CRTC1: variants seen among roughly 807,000 people sequenced by gnomAD.
CRTC1 encodes CREB-regulated transcription coactivator 1.
In CRTC1, 18 loss-of-function variants were observed where a neutral mutation model predicts 66.1. The ratio of observed to expected loss-of-function variants is 0.27; its 90% confidence interval spans 0.19 to 0.40. CRTC1 has a LOEUF of 0.40. CRTC1 is among the 10% of genes least tolerant of loss of function. The probability of loss-of-function intolerance (pLI) is 1.00; values close to 1 mark genes in which losing one functional copy is unlikely to be tolerated. For synonymous variants in CRTC1, 416 were observed against 398.8 expected (o/e 1.04, Z -0.51); for missense variants, 669 against 887.9 (o/e 0.75, Z 3.13).
chr19:18,685,607 A>G (rs544104773), intron 1 of CRTC1, among the ~76,000 whole-genome samples: 1 of 152,198 alleles, frequency 6.6e-6, no homozygotes, highest in Non-Finnish European at 1.5e-5. Context: ...CAGTGAGCCG[A>G]GATCATGTTA....
At chr19:18,765,127 C>G (rs1034894973) in intron 8 of CRTC1, among the ~76,000 whole-genome samples, 2 of 152,160 alleles carry the variant, frequency 1.3e-5, no homozygotes, top group Non-Finnish European at 2.9e-5. Context: ...ATCTGGGGGC[C>G]AATCTTATGC....
Position 18,768,290 on chromosome 19 carries a change from C to T in CRTC1, c.1012-195C>T, listed in dbSNP as rs2054780425. 6.6e-6 allele frequency among the ~76,000 whole-genome samples: 1 copy of T among 152,182 alleles called. No homozygotes were observed. The highest frequency in any genetic ancestry group is 2.4e-5 in the African/African-American group (1 of 41,442). On this transcript the variant is annotated intron_variant, in intron 9 of 13. Transcript: ENST00000321949. This position sits in a 1 kb window ranked among gnomAD's most constrained non-coding sequence, Gnocchi z 5.6. ...CAGGTCCTGCCCAGCTCCAGCTGAC[C>T]CCCTTGGGGCCCTGCGTGAGGCCCA...
intron 2 of CRTC1, chr19:18,744,226 G>T: frequency 6.8e-7 from 1 of 1,480,654 alleles, no homozygotes; most frequent in Non-Finnish European, 9.2e-7. Context: ...CCGTGTGCGG[G>T]CGCTGGGGAT....
chr19:18,771,414 C>CG lies in CRTC1; in HGVS notation c.1321-26dup. ...AGCCCGGGCTTGGGCAGCTGGGCTG[C>CG]GGCGTGCTGATCTGTCTGTCATCGC... On this transcript the variant is annotated intron_variant, in intron 10 of 13. Transcript: ENST00000321949. The surrounding 1 kb of genome is among the most constrained non-coding windows in gnomAD (Gnocchi z 4.6). 6.3e-7 allele frequency: 1 copy of CG among 1,584,140 alleles called. No individual in the cohort carries two copies. Among genetic ancestry groups the CG allele is most frequent in the Non-Finnish European group, 8.6e-7 (1 of 1,163,094 alleles).
intron 1 of CRTC1, among the ~76,000 whole-genome samples, chr19:18,729,680 G>A (rs1326245844): frequency 6.6e-6 from 1 of 152,140 alleles, no homozygotes; most frequent in East Asian, 1.9e-4. Flanking sequence ...GGTTGAGGCT[G>A]CAGTGAGCCA....
At chr19:18,689,824 T>G (rs1026236950) in intron 1 of CRTC1, among the ~76,000 whole-genome samples, 1 of 151,400 alleles carries the variant, frequency 6.6e-6, no homozygotes, top group Non-Finnish European at 1.5e-5. Context: ...TGGGTGGATG[T>G]ATATCTTCAT....
intron 1 of CRTC1, among the ~76,000 whole-genome samples, chr19:18,732,543 T>C (rs1319841438): frequency 6.6e-6 from 1 of 152,124 alleles, no homozygotes; most frequent in African/African-American, 2.4e-5. Context: ...CCTGGGCTGC[T>C]AAGACAGAGG....
intron 1 of CRTC1, among the ~76,000 whole-genome samples, chr19:18,686,922 C>T (rs142529527): frequency 2.0e-5 from 3 of 151,888 alleles, no homozygotes; most frequent in Non-Finnish European, 4.4e-5. Context: ...GGCTGGGATG[C>T]TGCCCAACCC....
intron 1 of CRTC1, among the ~76,000 whole-genome samples, chr19:18,717,295 G>T (rs1407449767): frequency 6.6e-6 from 1 of 152,044 alleles, no homozygotes; most frequent in East Asian, 1.9e-4. Context: ...CTCTCCCAGG[G>T]TCTTCAGGCT....
intron 1 of CRTC1, among the ~76,000 whole-genome samples, chr19:18,729,442 A>C (rs1425935826): frequency 6.6e-6 from 1 of 150,692 alleles, no homozygotes; most frequent in Non-Finnish European, 1.5e-5. Flanking sequence ...AAAAAAAGAA[A>C]AAAAAAAAGA....
rs2054220901 is a variant in CRTC1 at position 18,745,818 on chromosome 19, C to G, written c.244-5C>G. The G allele has an allele frequency of 1.9e-6, 3 of 1,613,732 alleles. No individual in the cohort carries two copies. The highest frequency in any genetic ancestry group is 1.7e-5 in the Admixed American group (1 of 59,996). ...TCTCTCTGTTTCCATCTCCTCCTCC[C>G]CCAGACCCCCTTCCAATCCTCGGGC... is the stretch of plus-strand genomic sequence containing the variant. On this transcript the variant is annotated splice_polypyrimidine_tract_variant and splice_region_variant and intron_variant, in intron 2 of 13. Transcript: ENST00000321949.
intron 1 of CRTC1, among the ~76,000 whole-genome samples, chr19:18,727,747 A>C (rs887660473): frequency 6.6e-6 from 1 of 151,852 alleles, no homozygotes; most frequent in African/African-American, 2.4e-5. Context: ...TTTGAGATGG[A>C]GTCTCACTAT....
intron 11 of CRTC1, among the ~76,000 whole-genome samples, chr19:18,773,068 G>C (rs552217248): frequency 6.6e-6 from 1 of 152,340 alleles, no homozygotes; most frequent in East Asian, 1.9e-4. Flanking sequence ...GGGTTAGTCT[G>C]CTGGGCAGCG....
chr19:18,688,209 G>A (rs1259956086), intron 1 of CRTC1, among the ~76,000 whole-genome samples: 1 of 152,106 alleles, frequency 6.6e-6, no homozygotes, highest in Non-Finnish European at 1.5e-5. Flanking sequence ...GAGAGAAGTG[G>A]CTCAGCCACG....
At chr19:18,745,778 T>C in intron 2 of CRTC1, 45 bp from the exon 3 acceptor site, 9 of 1,609,414 alleles carry the variant, frequency 5.6e-6, no homozygotes, top group Non-Finnish European at 7.6e-6. Context: ...CTGGTAACCA[T>C]TGTTTGGATT....
At position 18,760,164 on chromosome 19, in the gene CRTC1, C is replaced by T; in HGVS notation, c.822C>T (p.Ser274=). 1 of 1,613,766 alleles carries T rather than the reference C, an allele frequency of 6.2e-7. No homozygotes were observed. Among genetic ancestry groups the T allele is most frequent in the Non-Finnish European group, 8.5e-7 (1 of 1,179,818 alleles). Residue 274 remains serine (S), a synonymous_variant, in exon 8 of 14, where the codon AGC becomes AGT. Transcript: ENST00000321949. The surrounding 1 kb of genome is among the most constrained non-coding windows in gnomAD (Gnocchi z 6.2). ...AGCCCACCTTCCCTGCACTGAGCAGCTCCAGCAGCACCGGCAACCTCGCGG... is the reference window on the plus strand; with the variant it reads ...AGCCCACCTTCCCTGCACTGAGCAGTTCCAGCAGCACCGGCAACCTCGCGG... The part of the protein sequence containing the change: ...PEEPTFPALS[S]SSSTGNLAAN...
At chr19:18,736,443 G>T (rs1440092885) in intron 1 of CRTC1, among the ~76,000 whole-genome samples, 3 of 152,058 alleles carry the variant, frequency 2.0e-5, no homozygotes, top group African/African-American at 7.3e-5. Flanking sequence ...TGAGGTGCCT[G>T]CTGCCTCTGC....
In CRTC1 at chr19:18,780,889, T is replaced by G. The variant is rs2055089471; in HGVS notation, c.*3507T>G. On this transcript the variant is annotated 3_prime_UTR_variant, in exon 14 of 14. Coordinates refer to ENST00000321949, the MANE Select transcript of CRTC1 (RefSeq NM_015321.3). The stretch of plus-strand genomic sequence containing the variant: ...CTAGAGGGGGCTCTGGTGCCTCCCT[T>G]AGGTGGGCCTTGAGCTGGTTTTTAA... 1 of 221,368 alleles carries G rather than the reference T, an allele frequency of 4.5e-6. No homozygotes were observed. Among genetic ancestry groups the G allele is most frequent in the South Asian group, 1.8e-4 (1 of 5,434 alleles). 13.7% of individuals were successfully genotyped at this position (221,368 alleles called of 1,614,324 possible). A position where few individuals can be genotyped will look rare whatever the true frequency, so the allele number is the denominator to read the frequency against.
intron 1 of CRTC1, among the ~76,000 whole-genome samples, chr19:18,717,026 CAT>C (rs2053524481): frequency 6.6e-6 from 1 of 152,088 alleles, no homozygotes; most frequent in Non-Finnish European, 1.5e-5. Context: ...TGCGTGTGAG[CAT>C]ATGTGCATGC....
Sources: gnomAD v4.1 joint callset for allele counts (sites outside exome capture counted in the v4.1 genomes callset) on GRCh38, gnomAD v4.1.1 for gene constraint, Gnocchi (gnomAD v3.1) non-coding constraint, MANE v1.5 for transcripts, NCBI Gene and HGNC (gene_info 2026-07-23, HGNC 2026-07-21) for gene names.